Variants in ATP6V1H observed in about 807,000 individuals in gnomAD.
ATP6V1H encodes the protein ATPase H+ transporting V1 subunit H, also known as V-type proton ATPase subunit H.
ATP6V1H carries 39 observed loss-of-function variants against 71.7 expected under a neutral mutation model. That is an observed-to-expected ratio of 0.54 (90% CI 0.42 to 0.71). ATP6V1H has a LOEUF of 0.71. Among genes scored for constraint, ATP6V1H ranks in the 30% least tolerant of loss-of-function variants. The pLI, the probability that ATP6V1H is intolerant of heterozygous loss-of-function variation, is 0.00. For synonymous variants in ATP6V1H, 192 were observed against 199.3 expected, an observed-to-expected ratio of 0.96 and a Z score of 0.31; for missense variants, 509 against 594.9, an observed-to-expected ratio of 0.86 and a Z score of 1.50.
chr8:53,767,835 C>G (rs1038616617), intron 11 of ATP6V1H, among the ~76,000 whole-genome samples: 2 of 152,196 alleles, frequency 1.3e-5, no homozygotes, highest in African/African-American at 4.8e-5. Flanking sequence ...ATCAAGAACC[C>G]AAATGTAAGA....
chr8:53,808,988 C>T (rs1196099998), intron 7 of ATP6V1H, among the ~76,000 whole-genome samples: 2 of 152,092 alleles, frequency 1.3e-5, no homozygotes, highest in Non-Finnish European at 1.5e-5. Flanking sequence ...CTTTTCTCCA[C>T]TCTGAAAAGA....
chr8:53,736,057 A>G (rs914098713), intron 13 of ATP6V1H, among the ~76,000 whole-genome samples: 3 of 152,220 alleles, frequency 2.0e-5, no homozygotes, highest in Non-Finnish European at 2.9e-5. Flanking sequence ...GACTCGTCAA[A>G]CAAGTAATAT....
At chr8:53,764,359 G>A (rs567254068) in intron 11 of ATP6V1H, among the ~76,000 whole-genome samples, 1 of 152,312 alleles carries the variant, frequency 6.6e-6, no homozygotes, top group African/African-American at 2.4e-5. Flanking sequence ...GTCCGGGTAT[G>A]CAAGGCTAGC....
At chr8:53,821,527 G>A (rs1002899602) in intron 4 of ATP6V1H, among the ~76,000 whole-genome samples, 2 of 151,518 alleles carry the variant, frequency 1.3e-5, no homozygotes, top group Non-Finnish European at 2.9e-5. Flanking sequence ...CTAAAAATAC[G>A]AAAATTAGCT....
chr8:53,742,906 G>A (rs1433346760), intron 13 of ATP6V1H, among the ~76,000 whole-genome samples: 1 of 152,136 alleles, frequency 6.6e-6, no homozygotes, highest in African/African-American at 2.4e-5. Flanking sequence ...GAACTGTTTA[G>A]GATACTGCTG....
intron 12 of ATP6V1H, among the ~76,000 whole-genome samples, chr8:53,747,103 A>G (rs905530137): frequency 6.6e-6 from 1 of 152,192 alleles, no homozygotes; most frequent in African/African-American, 2.4e-5. Context: ...TGTTTGTTCT[A>G]AAGGTCTTTT....
intron 13 of ATP6V1H, among the ~76,000 whole-genome samples, chr8:53,729,677 G>A (rs1347715508): frequency 6.6e-6 from 1 of 152,174 alleles, no homozygotes; most frequent in African/African-American, 2.4e-5. Context: ...TTACATTCCC[G>A]GCATATCCAC....
intron 12 of ATP6V1H, among the ~76,000 whole-genome samples, chr8:53,753,132 A>G (rs1305828390): frequency 6.6e-6 from 1 of 151,462 alleles, no homozygotes; most frequent in African/African-American, 2.4e-5. Context: ...TAATGAGGAG[A>G]AAATAATTTG....
At chr8:53,823,769 T>A (rs1453601410) in intron 4 of ATP6V1H, among the ~76,000 whole-genome samples, 2 of 152,298 alleles carry the variant, frequency 1.3e-5, no homozygotes, top group African/African-American at 4.8e-5. Flanking sequence ...CCACCATGCC[T>A]GGCCAATATT....
chr8:53,772,123 A>G lies in ATP6V1H; in HGVS notation c.915T>C (p.Tyr305=), dbSNP rs1255423134. 2.5e-6 allele frequency: 4 copies of G among 1,613,830 alleles called. No individual in the cohort carries two copies. The African/African-American group carries it at 4.0e-5, about 16-fold the overall frequency. The change falls in exon 10 of 14, where the codon TAT becomes TAC. Residue 305 remains tyrosine, a synonymous_variant. Transcript: ENST00000359530. ...KSTERETRQE[Y]ALAMIQCKVL... ...CTTTGCACTGAATCATAGCCAGGGCATATTCTTGGCGAGTTTCTCTTTCAG... is the reference window on the plus strand; with the variant it reads ...CTTTGCACTGAATCATAGCCAGGGCGTATTCTTGGCGAGTTTCTCTTTCAG...
At chr8:53,836,893 C>A (rs1366129293) in intron 2 of ATP6V1H, among the ~76,000 whole-genome samples, 1 of 152,164 alleles carries the variant, frequency 6.6e-6, no homozygotes, top group Non-Finnish European at 1.5e-5. Flanking sequence ...GTAATCCCAG[C>A]ACTTTGGGAG....
intron 13 of ATP6V1H, among the ~76,000 whole-genome samples, chr8:53,729,425 C>T (rs1413896856): frequency 2.0e-5 from 3 of 152,122 alleles, no homozygotes; most frequent in Non-Finnish European, 4.4e-5. Context: ...GGCCTGGGAT[C>T]CATGGCAAGC....
chr8:53,726,870 T>C (rs1186895882), intron 13 of ATP6V1H, among the ~76,000 whole-genome samples: 1 of 152,188 alleles, frequency 6.6e-6, no homozygotes, highest in Non-Finnish European at 1.5e-5. Context: ...ATGGCTCTGC[T>C]TCGTCCCCAC....
At chr8:53,759,391 A>G (rs1321712287) in intron 11 of ATP6V1H, among the ~76,000 whole-genome samples, 1 of 152,270 alleles carries the variant, frequency 6.6e-6, no homozygotes, top group African/African-American at 2.4e-5. Flanking sequence ...ATGGTATGCA[A>G]TGAGAGAACT....
intron 2 of ATP6V1H, chr8:53,839,768 T>A (rs1811285260): frequency 1.0e-6 from 1 of 985,222 alleles, no homozygotes; most frequent in Non-Finnish European, 1.2e-6. Flanking sequence ...GGACACACAC[T>A]CCCACCTCCA....
chr8:53,775,554 A>C (rs1808846936), intron 9 of ATP6V1H, among the ~76,000 whole-genome samples: 1 of 152,198 alleles, frequency 6.6e-6, no homozygotes, highest in Non-Finnish European at 1.5e-5. Context: ...TTGGACACAC[A>C]GGTTCTCCAA....
chr8:53,824,321 T>C (rs577159185), intron 4 of ATP6V1H, among the ~76,000 whole-genome samples: 3 of 152,164 alleles, frequency 2.0e-5, no homozygotes, highest in African/African-American at 7.2e-5. Flanking sequence ...TAATGCTAAA[T>C]AAATTGTTGC....
At chr8:53,817,675 C>T (rs142868258) in intron 4 of ATP6V1H, 145 bp from the exon 5 acceptor site, 7 of 544,542 alleles carry the variant, frequency 1.3e-5, no homozygotes, top group African/African-American at 3.9e-5. Context: ...ATTATTACTA[C>T]GGGGCAGGGG....
At chr8:53,834,755 A>C (rs997249365) in intron 2 of ATP6V1H, among the ~76,000 whole-genome samples, 19 of 152,028 alleles carry the variant, frequency 1.2e-4, no homozygotes, top group Non-Finnish European at 2.6e-4. Context: ...TAGTTTAAAA[A>C]ATTGTCCCTC....
Sources: allele counts gnomAD v4.1 joint callset (sites outside exome capture counted in the v4.1 genomes callset), GRCh38; gene constraint gnomAD v4.1.1; transcripts MANE v1.5; gene names NCBI Gene and HGNC (gene_info 2026-07-23, HGNC 2026-07-21).